The following REPS1 variants were observed in gnomAD, a reference collection of about 807,000 sequenced individuals.
REPS1 encodes the protein ralBP1-associated Eps domain-containing protein 1.
In REPS1, 39 loss-of-function variants were observed where a neutral mutation model predicts 100.9. The observed-to-expected ratio is 0.39, with a 90% CI of 0.30 to 0.50. The LOEUF (loss-of-function observed/expected upper bound fraction) is 0.50, where lower values mean the gene tolerates loss of function less well. REPS1 is among the 20% of genes least tolerant of loss of function. The probability of loss-of-function intolerance (pLI) is 0.86; values close to 1 mark genes in which losing one functional copy is unlikely to be tolerated. For synonymous variants in REPS1, 324 were observed against 340.3 expected (o/e 0.95, Z 0.53); for missense variants, 821 against 968.5 (o/e 0.85, Z 2.02).
At chr6:138,959,203 A>G (rs1435339721) in intron 1 of REPS1, among the ~76,000 whole-genome samples, 3 of 152,202 alleles carry the variant, frequency 2.0e-5, no homozygotes, top group Non-Finnish European at 4.4e-5. Flanking sequence ...AGAGTGGTTA[A>G]GTGCATAGTG....
intron 2 of REPS1, among the ~76,000 whole-genome samples, chr6:138,947,035 G>GCTCT (rs10581264): frequency 0.052 from 7,122 of 137,518 alleles, 227 homozygotes; most frequent in Middle Eastern, 0.087. Context: ...ATTCCCCCTT[G>GCTCT]CTCTCTCTCT....
In REPS1 at chr6:138,944,786, G is replaced by T. The variant is rs573350341; in HGVS notation, c.629-164C>A. Reference sequence around the variant, plus strand: ...TCATTTAAATATCTTCAATTATTTTGTGCTCTCCTTGTCAATAAAATGTAT... The same window carrying T: ...TCATTTAAATATCTTCAATTATTTTTTGCTCTCCTTGTCAATAAAATGTAT... On this transcript the variant is annotated intron_variant, in intron 4 of 19. Transcript: ENST00000450536. Among the ~76,000 whole-genome samples the T allele has an allele frequency of 1.3e-4, 20 of 152,070 alleles. No individual in the cohort carries two copies. The South Asian group carries it at 4.2e-3, about 32-fold the overall frequency.
intron 1 of REPS1, among the ~76,000 whole-genome samples, chr6:138,963,749 T>C (rs571824821): frequency 2.8e-4 from 43 of 152,316 alleles, no homozygotes; most frequent in Middle Eastern, 6.8e-3. Context: ...AAAATGGCTG[T>C]TTCCTTTCTG....
chr6:138,941,948 G>A (rs368105060), intron 7 of REPS1, among the ~76,000 whole-genome samples: 2 of 151,822 alleles, frequency 1.3e-5, no homozygotes, highest in South Asian at 2.1e-4. Flanking sequence ...GCACGATCTC[G>A]GCCCACTGCA....
intron 1 of REPS1, among the ~76,000 whole-genome samples, chr6:138,983,522 A>C (rs1252559988): frequency 6.6e-6 from 1 of 152,206 alleles, no homozygotes; most frequent in African/African-American, 2.4e-5. Context: ...TGCAAGAATC[A>C]AATGAGTTCT....
intron 8 of REPS1, among the ~76,000 whole-genome samples, chr6:138,931,083 T>C (rs554268679): frequency 6.6e-6 from 1 of 152,262 alleles, no homozygotes; most frequent in South Asian, 2.1e-4. Context: ...TTAGAACTCA[T>C]ATCAAAAATA....
intron 11 of REPS1, among the ~76,000 whole-genome samples, 182 bp downstream of exon 11, chr6:138,920,855 G>A (rs978530240): frequency 6.6e-6 from 1 of 152,008 alleles, no homozygotes; most frequent in African/African-American, 2.4e-5. Flanking sequence ...TTAAAACTCC[G>A]TAATTTAAAA....
At chr6:138,979,162 CAG>C (rs1784773011) in intron 1 of REPS1, among the ~76,000 whole-genome samples, 1 of 111,328 alleles carries the variant, frequency 9.0e-6, no homozygotes. Context: ...GCCTGGGCGA[CAG>C]AGCGAGAATC....
At chr6:138,907,688 T>C (rs1582693732) in intron 18 of REPS1, 88 bp from the exon 19 acceptor site, 6 of 838,640 alleles carry the variant, frequency 7.2e-6, no homozygotes, top group African/African-American at 1.7e-5. Context: ...TTTCTAAACA[T>C]GAGAAGCAAA....
intron 1 of REPS1, among the ~76,000 whole-genome samples, chr6:138,963,881 C>T (rs374427837): frequency 6.6e-6 from 1 of 152,190 alleles, no homozygotes; most frequent in Non-Finnish European, 1.5e-5. Flanking sequence ...TAATTCATAT[C>T]TATTACTGTA....
At chr6:138,937,005 C>T (rs1038615602) in intron 8 of REPS1, among the ~76,000 whole-genome samples, 2 of 152,166 alleles carry the variant, frequency 1.3e-5, no homozygotes, top group South Asian at 4.1e-4. Flanking sequence ...AATGGACTTA[C>T]AGTTCCACAT....
At chr6:138,905,580 CG>C (rs146784819) in intron 19 of REPS1, among the ~76,000 whole-genome samples, 22,562 of 152,060 alleles carry the variant, frequency 0.15, 1,772 homozygotes, top group African/African-American at 0.17. Flanking sequence ...CGTGAGCCAC[CG>C]CGCCCGGCTG....
At position 138,988,012 on chromosome 6, in the gene REPS1, G is replaced by A; in HGVS notation, c.-330C>T. The A allele has an allele frequency of 2.5e-6, 1 of 395,996 alleles. No individual in the cohort carries two copies. Among genetic ancestry groups the A allele is most frequent in the Non-Finnish European group, 4.5e-6 (1 of 224,436 alleles). 24.5% of individuals were successfully genotyped at this position (395,996 alleles called of 1,614,324 possible). On this transcript the variant is annotated 5_prime_UTR_variant, in exon 1 of 20. Transcript: ENST00000450536. Reference sequence around the variant, plus strand: ...GGGGGCCGCGGAGGCGCGAGGCACTGGCGGACTCCGCCCCCGCCGCGGGTT... The same window carrying A: ...GGGGGCCGCGGAGGCGCGAGGCACTAGCGGACTCCGCCCCCGCCGCGGGTT...
At chr6:138,941,181 C>G (rs950388552) in intron 8 of REPS1, among the ~76,000 whole-genome samples, 154 bp downstream of exon 8, 4 of 152,164 alleles carry the variant, frequency 2.6e-5, no homozygotes, top group Non-Finnish European at 5.9e-5. Flanking sequence ...TCAAGCTTGG[C>G]CCATACATCC....
intron 1 of REPS1, among the ~76,000 whole-genome samples, chr6:138,970,917 C>A (rs1461166169): frequency 6.6e-6 from 1 of 152,152 alleles, no homozygotes; most frequent in East Asian, 1.9e-4. Context: ...AGGAAGGCAG[C>A]TAGATGGGTG....
Position 138,920,333 on chromosome 6 carries a change from A to T in REPS1, c.1427-17T>A. 3 of 1,339,516 alleles carry T rather than the reference A, an allele frequency of 2.2e-6. No homozygotes were observed. Among genetic ancestry groups the T allele is most frequent in the Non-Finnish European group, 3.2e-6 (3 of 930,896 alleles). 83.0% of individuals were successfully genotyped at this position (1,339,516 alleles called of 1,614,324 possible). A position where few individuals can be genotyped will look rare whatever the true frequency, so the allele number is the denominator to read the frequency against. On this transcript the variant is annotated splice_polypyrimidine_tract_variant and intron_variant, in intron 11 of 19. Coordinates refer to ENST00000450536, the MANE Select transcript of REPS1 (RefSeq NM_001286611.2). Reference sequence around the variant, plus strand: ...TTGTATGATCTAATAGAGAATTAATAGGTAAAAATACAAGACATAGGTATT... The same window carrying T: ...TTGTATGATCTAATAGAGAATTAATTGGTAAAAATACAAGACATAGGTATT...
Position 138,947,858 on chromosome 6 carries a change from T to C in REPS1, c.209A>G (p.Tyr70Cys). ...RLGYFGRSQF[Y>C]IALKLVAVAQ... ...AACAGCTACAAGTTTCAAAGCAATGTAGAACTGACTTCTTCCAAAATAACC... is the reference window on the plus strand; with the variant it reads ...AACAGCTACAAGTTTCAAAGCAATGCAGAACTGACTTCTTCCAAAATAACC... The change falls in exon 2 of 20, where the codon TAC becomes TGC. Residue 70 changes from tyrosine (Y) to cysteine (C), a missense_variant. By Grantham distance (194) the Tyr-to-Cys change is radical. This residue lies in a region of REPS1 where 28 missense variants were observed against 65.3 expected (regional missense o/e 0.43). Coordinates refer to ENST00000450536, the MANE Select transcript of REPS1 (RefSeq NM_001286611.2). 6.2e-7 allele frequency: 1 copy of C among 1,610,418 alleles called. No individual in the cohort carries two copies. The highest frequency in any genetic ancestry group is 2.2e-5 in the East Asian group (1 of 44,734).
chr6:138,942,027 C>T (rs374940428), intron 7 of REPS1, among the ~76,000 whole-genome samples: 16 of 152,096 alleles, frequency 1.1e-4, no homozygotes, highest in African/African-American at 3.1e-4. Context: ...TACAGGTACG[C>T]GTCACCATGC....
At chr6:138,921,278 T>A (rs1780735756) in intron 10 of REPS1, among the ~76,000 whole-genome samples, 154 bp from the exon 11 acceptor site, 1 of 152,060 alleles carries the variant, frequency 6.6e-6, no homozygotes, top group East Asian at 1.9e-4. Flanking sequence ...TTAAAAGCTC[T>A]AGAATTCTAT....
Sources: gnomAD v4.1 joint callset for allele counts (sites outside exome capture counted in the v4.1 genomes callset) on GRCh38, gnomAD v4.1.1 for gene constraint, gnomAD v4.1.1 regional missense constraint, MANE v1.5 for transcripts, NCBI Gene and HGNC (gene_info 2026-07-23, HGNC 2026-07-21) for gene names.